KCNH5: variants seen among roughly 807,000 people sequenced by gnomAD.
KCNH5 encodes the protein potassium voltage-gated channel subfamily H member 5, also known as voltage-gated delayed rectifier potassium channel KCNH5.
KCNH5 carries 46 observed loss-of-function variants against 96.1 expected under a neutral mutation model. The observed-to-expected ratio is 0.48, with a 90% CI of 0.38 to 0.61. The LOEUF is 0.61. KCNH5 is among the 20% of genes least tolerant of loss of function. KCNH5 has a pLI of 0.00. For synonymous variants in KCNH5, 439 were observed against 449.8 expected (o/e 0.98, Z 0.30); for missense variants, 907 against 1,225.8 (o/e 0.74, Z 3.88).
intron 2 of KCNH5, among the ~76,000 whole-genome samples, chr14:63,015,551 C>T (rs897698464): frequency 6.6e-6 from 1 of 151,824 alleles, no homozygotes; most frequent in Non-Finnish European, 1.5e-5. Flanking sequence ...ATTCTTGGCT[C>T]ATGGTAGATG....
chr14:62,849,676 A>G lies in KCNH5; in HGVS notation c.1546T>C (p.Ser516Pro). The change falls in exon 8 of 11, where the codon TCA (serine) becomes CCA (proline). Residue 516 changes from serine to proline, a missense_variant. Physicochemically the swap from Ser to Pro is moderately conservative, Grantham distance 74 (BLOSUM62 -1). This residue lies in a region of KCNH5 where 95 missense variants were observed against 111.8 expected (regional missense o/e 0.85). Transcript: ENST00000322893. ...ACCTTTTCTGTATCAATGCCTTTTG[A>G]CATGGACCATGTTGAGACAATATAA... Reference protein sequence around the residue: ...MDYIVSTWSMSKGIDTEKVLS... With the variant: ...MDYIVSTWSMPKGIDTEKVLS... 1 of 1,613,714 alleles carries G rather than the reference A, an allele frequency of 6.2e-7. No individual in the cohort carries two copies. Among genetic ancestry groups the G allele is most frequent in the Non-Finnish European group, 8.5e-7 (1 of 1,179,726 alleles).
chr14:62,823,477 C>G (rs971219692), intron 8 of KCNH5, among the ~76,000 whole-genome samples: 19 of 151,908 alleles, frequency 1.3e-4, no homozygotes, highest in African/African-American at 3.9e-4. Context: ...CTCTAAACAC[C>G]CAGCAGTCAA....
At chr14:62,982,327 CA>C (rs33914097) in intron 5 of KCNH5, among the ~76,000 whole-genome samples, 49 of 141,594 alleles carry the variant, frequency 3.5e-4, no homozygotes, top group Admixed American at 8.5e-4. Context: ...GACTCCGTCT[CA>C]AAAAAAAAAA....
At position 62,837,210 on chromosome 14, in the gene KCNH5, G is replaced by A. The variant is rs370117488; in HGVS notation, c.1569+12443C>T. On this transcript the variant is annotated intron_variant, in intron 8 of 10. Transcript: ENST00000322893. ...GTGTAACCACAAAATAGTGCCAGGAGGTCAAAGAAAGTAAAAATGTACTTG... is the reference window on the plus strand; with the variant it reads ...GTGTAACCACAAAATAGTGCCAGGAAGTCAAAGAAAGTAAAAATGTACTTG... 6.6e-5 allele frequency among the ~76,000 whole-genome samples: 10 copies of A among 152,278 alleles called. 1 individual carries two copies. The highest frequency in any genetic ancestry group is 2.0e-4 in the Admixed American group (3 of 15,298).
At chr14:62,729,618 A>G (rs1885007968) in intron 10 of KCNH5, among the ~76,000 whole-genome samples, 1 of 152,210 alleles carries the variant, frequency 6.6e-6, no homozygotes, top group Non-Finnish European at 1.5e-5. Flanking sequence ...TGTAAGAAGG[A>G]TAAGCCATAG....
intron 9 of KCNH5, among the ~76,000 whole-genome samples, chr14:62,797,788 T>C (rs1430828309): frequency 6.6e-6 from 1 of 152,008 alleles, no homozygotes; most frequent in African/African-American, 2.4e-5. Flanking sequence ...TGATCTCAGC[T>C]CACTGCAACC....
intron 1 of KCNH5, among the ~76,000 whole-genome samples, chr14:63,024,554 A>G (rs1891491403): frequency 6.6e-6 from 1 of 152,230 alleles, no homozygotes; most frequent in Middle Eastern, 3.4e-3. Flanking sequence ...CTAAGGAAAG[A>G]GAGAGAAGAC....
At chr14:62,951,570 T>C (rs973302801) in intron 6 of KCNH5, among the ~76,000 whole-genome samples, 3 of 152,208 alleles carry the variant, frequency 2.0e-5, no homozygotes, top group African/African-American at 7.2e-5. Context: ...TACTCTGACA[T>C]GAATTCTGAC....
At chr14:62,893,930 C>T (rs1356141282) in intron 7 of KCNH5, among the ~76,000 whole-genome samples, 1 of 152,164 alleles carries the variant, frequency 6.6e-6, no homozygotes, top group African/African-American at 2.4e-5. Context: ...TTGCCACAGC[C>T]ACCTTAACCT....
intron 7 of KCNH5, among the ~76,000 whole-genome samples, chr14:62,929,495 C>T (rs1889539772): frequency 6.6e-6 from 1 of 151,992 alleles, no homozygotes; most frequent in South Asian, 2.1e-4. Context: ...CAATGGTCAC[C>T]AGGGCCCTTC....
intron 2 of KCNH5, among the ~76,000 whole-genome samples, chr14:63,012,088 T>C (rs1175821245): frequency 6.6e-6 from 1 of 152,156 alleles, no homozygotes; most frequent in Non-Finnish European, 1.5e-5. Context: ...TAATTAGAAG[T>C]AAAATGCTAA....
chr14:62,730,185 G>T (rs1885019819), intron 10 of KCNH5, among the ~76,000 whole-genome samples: 1 of 152,096 alleles, frequency 6.6e-6, no homozygotes, highest in South Asian at 2.1e-4. Flanking sequence ...TCCAGATTGT[G>T]CAAGAATACA....
intron 7 of KCNH5, among the ~76,000 whole-genome samples, chr14:62,901,741 C>T (rs1014646186): frequency 2.6e-5 from 4 of 152,148 alleles, no homozygotes; most frequent in African/African-American, 9.7e-5. Flanking sequence ...TGAAAATATA[C>T]CCAGTAATGG....
At chr14:62,989,695 T>C (rs1334873579) in intron 4 of KCNH5, among the ~76,000 whole-genome samples, 1 of 152,116 alleles carries the variant, frequency 6.6e-6, no homozygotes, top group Non-Finnish European at 1.5e-5. Flanking sequence ...CCACTCTTGC[T>C]AAACTCTTGT....
chr14:63,022,320 T>C (rs780359115), intron 1 of KCNH5, among the ~76,000 whole-genome samples: 3 of 152,180 alleles, frequency 2.0e-5, no homozygotes, highest in Non-Finnish European at 4.4e-5. Flanking sequence ...TTCATCTCCA[T>C]GATCATCACC....
chr14:62,819,853 TTA>T (rs1887078100), intron 8 of KCNH5, among the ~76,000 whole-genome samples: 1 of 152,168 alleles, frequency 6.6e-6, no homozygotes, highest in Non-Finnish European at 1.5e-5. Context: ...ACATGAAAAA[TTA>T]TTACTGTTAC....
chr14:62,934,240 C>T (rs1378737726), intron 7 of KCNH5, among the ~76,000 whole-genome samples: 3 of 151,658 alleles, frequency 2.0e-5, no homozygotes, highest in Non-Finnish European at 4.4e-5. Context: ...AATTCTTCTG[C>T]GTCAGCCTCC....
intron 6 of KCNH5, among the ~76,000 whole-genome samples, chr14:62,954,911 T>C (rs1400050576): frequency 1.3e-5 from 2 of 151,888 alleles, no homozygotes; most frequent in Non-Finnish European, 2.9e-5. Context: ...ACCACAAAAA[T>C]AGTATGGAGG....
chr14:62,732,716 T>C (rs114587654), intron 10 of KCNH5, among the ~76,000 whole-genome samples: 1,791 of 152,144 alleles, frequency 0.012, 30 homozygotes, highest in Middle Eastern at 0.048. Flanking sequence ...GTGTGACCAA[T>C]GGGAAGCACT....
Sources: allele counts gnomAD v4.1 joint callset (sites outside exome capture counted in the v4.1 genomes callset), GRCh38; gene constraint gnomAD v4.1.1; regional missense constraint gnomAD v4.1.1; transcripts MANE v1.5; gene names NCBI Gene and HGNC (gene_info 2026-07-23, HGNC 2026-07-21).